LDAH: variants seen among roughly 807,000 people sequenced by gnomAD.
LDAH encodes the protein lipid droplet-associated hydrolase.
Under a neutral mutation model 29.6 loss-of-function variants are expected in LDAH, and 26 were observed. The ratio of observed to expected loss-of-function variants is 0.88; its 90% confidence interval spans 0.64 to 1.22. LDAH has a LOEUF of 1.22. LDAH is among the 50% of genes most tolerant of loss of function. The pLI, the probability that LDAH is intolerant of heterozygous loss-of-function variation, is 0.00. For synonymous variants in LDAH, 117 were observed against 133.0 expected, an observed-to-expected ratio of 0.88 and a Z score of 0.83; for missense variants, 344 against 387.3, an observed-to-expected ratio of 0.89 and a Z score of 0.94.
chr2:20,703,097 A>G (rs2149357038), intron 5 of LDAH, among the ~76,000 whole-genome samples: 1 of 152,364 alleles, frequency 6.6e-6, no homozygotes, highest in East Asian at 1.9e-4. Flanking sequence ...AAGTGCTGGG[A>G]TTACAGGCAT....
At chr2:20,688,804 T>C (rs2149325019) in intron 6 of LDAH, among the ~76,000 whole-genome samples, 1 of 150,836 alleles carries the variant, frequency 6.6e-6, no homozygotes, top group Non-Finnish European at 1.5e-5. Context: ...GCAGACTTAC[T>C]CTGAATTGCT....
Position 20,684,904 on chromosome 2 carries a change from T to C in LDAH, c.*1999A>G. 1.9e-6 allele frequency: 3 copies of C among 1,549,972 alleles called. No individual in the cohort carries two copies. Among genetic ancestry groups the C allele is most frequent in the Non-Finnish European group, 8.7e-7 (1 of 1,146,744 alleles). The stretch of plus-strand genomic sequence containing the variant: ...ATGAAACAGAATGAACTTCAGTCTC[T>C]TGAAATCTGATTCTTCCACCTATGA... On this transcript the variant is annotated 3_prime_UTR_variant, in exon 7 of 7. Coordinates refer to ENST00000237822, the MANE Select transcript of LDAH (RefSeq NM_021925.4).
At chr2:20,780,613 A>T (rs1318567598) in intron 3 of LDAH, among the ~76,000 whole-genome samples, 3 of 152,108 alleles carry the variant, frequency 2.0e-5, no homozygotes, top group Non-Finnish European at 4.4e-5. Context: ...AGGAGTCTGG[A>T]CTCGGTTCTG....
chr2:20,775,083 G>A lies in LDAH; in HGVS notation c.299-104C>T, dbSNP rs977824669. ...TGATAAAAAGCAGTTACCATTTATCGAAAGCCTACAGTGTGCCAGTGATAA... is the reference window on the plus strand; with the variant it reads ...TGATAAAAAGCAGTTACCATTTATCAAAAGCCTACAGTGTGCCAGTGATAA... On this transcript the variant is annotated intron_variant, in intron 3 of 6. Coordinates refer to ENST00000237822, the MANE Select transcript of LDAH (RefSeq NM_021925.4). 49 of 1,005,670 alleles carry A rather than the reference G, an allele frequency of 4.9e-5. No homozygotes were observed. In the Middle Eastern group the frequency reaches 9.7e-4, roughly 20 times the overall value. The allele number at this position is 1,005,670 out of a possible 1,614,324, so 62.3% of individuals were successfully genotyped here.
chr2:20,786,215 G>A (rs945787137), intron 3 of LDAH, among the ~76,000 whole-genome samples: 4 of 151,970 alleles, frequency 2.6e-5, no homozygotes, highest in Non-Finnish European at 5.9e-5. Context: ...TTTAAGATAG[G>A]GTCTCACTCT....
At position 20,685,754 on chromosome 2, in the gene LDAH, C is replaced by G. The variant is rs891685548; in HGVS notation, c.*1149G>C. On this transcript the variant is annotated 3_prime_UTR_variant, in exon 7 of 7. Transcript: ENST00000237822. ...AATTTAGGGGAGGCAGCAATATTGT[C>G]AGCCCACTCTAGGCCAGGGAATATG... The G allele has an allele frequency of 7.0e-7, 1 of 1,423,412 alleles. No homozygotes were observed. The highest frequency in any genetic ancestry group is 9.4e-7 in the Non-Finnish European group (1 of 1,064,960). 88.2% of individuals were successfully genotyped at this position (1,423,412 alleles called of 1,614,324 possible). A position where few individuals can be genotyped will look rare whatever the true frequency, so the allele number is the denominator to read the frequency against.
chr2:20,683,149 C>T (rs1558367501), downstream of LDAH, among the ~76,000 whole-genome samples: 3 of 152,144 alleles, frequency 2.0e-5, no homozygotes, highest in South Asian at 2.1e-4. Flanking sequence ...CACTCAGTGA[C>T]GCCGGTCTTG....
intron 5 of LDAH, among the ~76,000 whole-genome samples, chr2:20,731,402 C>G (rs1211772213): frequency 6.6e-6 from 1 of 152,170 alleles, no homozygotes; most frequent in Non-Finnish European, 1.5e-5. Context: ...TCCCACTTTG[C>G]CTTCTGCCAT....
chr2:20,811,203 A>T (rs937872667), intron 1 of LDAH, among the ~76,000 whole-genome samples: 2 of 151,700 alleles, frequency 1.3e-5, no homozygotes, highest in African/African-American at 4.8e-5. Flanking sequence ...TATTTTTAGT[A>T]GAGACGGGGT....
chr2:20,750,712 G>A (rs1308508104), intron 4 of LDAH, among the ~76,000 whole-genome samples: 1 of 152,182 alleles, frequency 6.6e-6, no homozygotes, highest in South Asian at 2.1e-4. Context: ...ATGCACTTAT[G>A]TTCATTGTTG....
chr2:20,742,923 C>G (rs1197299873), intron 4 of LDAH, among the ~76,000 whole-genome samples: 1 of 151,444 alleles, frequency 6.6e-6, no homozygotes, highest in Non-Finnish European at 1.5e-5. Context: ...CCACGCCTGG[C>G]TAATTTTTCA....
intron 2 of LDAH, 122 bp downstream of exon 2, chr2:20,801,188 G>T: frequency 9.9e-7 from 1 of 1,007,598 alleles, no homozygotes; most frequent in East Asian, 2.5e-5. Context: ...GTTAACAATG[G>T]GTCAAGCGAT....
At chr2:20,764,126 GT>G (rs1418179319) in intron 4 of LDAH, among the ~76,000 whole-genome samples, 2 of 152,210 alleles carry the variant, frequency 1.3e-5, no homozygotes, top group Non-Finnish European at 2.9e-5. Context: ...AGTTGAAACT[GT>G]CCATGTGTCT....
downstream of LDAH, among the ~76,000 whole-genome samples, chr2:20,683,556 C>T (rs558761533): frequency 1.1e-3 from 166 of 152,320 alleles, 1 homozygote; most frequent in African/African-American, 3.8e-3. Flanking sequence ...ACTGTTAGAA[C>T]ATCCTGGGCT....
At chr2:20,737,025 C>A (rs1452557310) in intron 5 of LDAH, among the ~76,000 whole-genome samples, 1 of 152,056 alleles carries the variant, frequency 6.6e-6, no homozygotes, top group African/African-American at 2.4e-5. Context: ...CTATTTTTTC[C>A]TACTCTATAA....
intron 3 of LDAH, chr2:20,789,275 A>G (rs1307661953): frequency 4.5e-6 from 7 of 1,550,402 alleles, no homozygotes; most frequent in Admixed American, 2.0e-5. Flanking sequence ...ATGAGGGTAG[A>G]GCCCGCGAGA....
At chr2:20,773,223 A>G (rs578216849) in intron 4 of LDAH, among the ~76,000 whole-genome samples, 23 of 152,192 alleles carry the variant, frequency 1.5e-4, no homozygotes, top group Non-Finnish European at 2.6e-4. Flanking sequence ...ACTTTGAAGA[A>G]CATATTATCC....
In LDAH at chr2:20,789,129, T is replaced by C. The variant is rs545844764; in HGVS notation, c.298+1126A>G. On this transcript the variant is annotated intron_variant, in intron 3 of 6. Coordinates refer to ENST00000237822, the MANE Select transcript of LDAH (RefSeq NM_021925.4). ...CACCTCCATGCCCTAAATCCAAATT[T>C]TATTCAATTGTGAAAACCAGCTGTA... 2.6e-6 allele frequency: 4 copies of C among 1,550,414 alleles called. No homozygotes were observed. The East Asian group carries it at 9.8e-5, about 38-fold the overall frequency.
rs1662517618 is a variant in LDAH, at chr2:20,685,774, A to G, written c.*1129T>C. Reference sequence around the variant, plus strand: ...ATTGTCAGCCCACTCTAGGCCAGGGAATATGTGTCTTCTCTGCCATACCTC... The same window carrying G: ...ATTGTCAGCCCACTCTAGGCCAGGGGATATGTGTCTTCTCTGCCATACCTC... On this transcript the variant is annotated 3_prime_UTR_variant, in exon 7 of 7. Transcript: ENST00000237822. 4.8e-6 allele frequency: 6 copies of G among 1,251,570 alleles called. No homozygotes were observed. Among genetic ancestry groups the G allele is most frequent in the Non-Finnish European group, 6.5e-6 (6 of 925,658 alleles). The allele number at this position is 1,251,570 out of a possible 1,614,324, so 77.5% of individuals were successfully genotyped here. A position where few individuals can be genotyped will look rare whatever the true frequency, so the allele number is the denominator to read the frequency against.
Sources: allele counts gnomAD v4.1 joint callset (sites outside exome capture counted in the v4.1 genomes callset), GRCh38; gene constraint gnomAD v4.1.1; transcripts MANE v1.5; gene names NCBI Gene and HGNC (gene_info 2026-07-23, HGNC 2026-07-21).